The following SDR42E2 variants were observed in gnomAD, a reference collection of about 807,000 sequenced individuals.
SDR42E2 encodes short chain dehydrogenase/reductase family 42E, member 2, also known as putative short-chain dehydrogenase/reductase family 42E member 2.
SDR42E2 carries 20 observed loss-of-function variants against 10.5 expected under a neutral mutation model. The observed-to-expected ratio is 1.90, with a 90% confidence interval of 1.34 to 2.77. SDR42E2 has a LOEUF of 2.77. Among genes scored for constraint, SDR42E2 ranks in the 30% most tolerant of loss-of-function variants. The pLI, the probability that SDR42E2 is intolerant of heterozygous loss-of-function variation, is 0.00. For synonymous variants in SDR42E2, 72 were observed against 39.2 expected (o/e 1.84, Z -3.12); for missense variants, 162 against 104.2 (o/e 1.55, Z -2.42).
chr16:22,179,991 G>T (rs1316024562), intron 8 of SDR42E2, among the ~76,000 whole-genome samples: 7 of 152,088 alleles, frequency 4.6e-5, no homozygotes, highest in Admixed American at 3.9e-4. Flanking sequence ...ATACCTTCCA[G>T]ACAGTGGGAA....
rs750936951 is a variant in SDR42E2, at chr16:22,182,229, C to T, written c.828C>T (p.Tyr276=). 72 of 402,784 alleles carry T rather than the reference C, an allele frequency of 1.8e-4. No individual in the cohort carries two copies. The highest frequency in any genetic ancestry group is 1.6e-3 in the Middle Eastern group (5 of 3,222). The allele number at this position is 402,784 out of a possible 1,614,324, so 25.0% of individuals were successfully genotyped here. The stretch of plus-strand genomic sequence containing the variant: ...CCCTTCAGAGTGGGCAGGCGTACTA[C>T]ATCAACGATGGGGAGAGCGTCAACC... The part of the protein sequence containing the change: ...KGYVASGQAY[Y]INDGESVNLF... Residue 276 remains tyrosine, a synonymous_variant, in exon 10 of 13, where the codon TAC becomes TAT. Transcript: ENST00000602312.
chr16:22,178,730 G>T (rs547937763), intron 8 of SDR42E2, among the ~76,000 whole-genome samples: 5 of 152,322 alleles, frequency 3.3e-5, no homozygotes, highest in African/African-American at 9.6e-5. Flanking sequence ...ACCCAGGAGG[G>T]CTCCCTGGAG....
At chr16:22,179,631 G>A (rs561336317) in intron 8 of SDR42E2, among the ~76,000 whole-genome samples, 74 of 152,170 alleles carry the variant, frequency 4.9e-4, no homozygotes, top group African/African-American at 1.8e-3. Flanking sequence ...GGCCAGCATG[G>A]TGAAACCCTG....
At chr16:22,186,266 GTGCAATCTCAGCTCAC>G (rs1373298841) in intron 11 of SDR42E2, among the ~76,000 whole-genome samples, 1 of 151,686 alleles carries the variant, frequency 6.6e-6, no homozygotes, top group Non-Finnish European at 1.5e-5. Context: ...GAGTGCAGTG[GTGCAATCTCAGCTCAC>G]TGCAATCTCT....
chr16:22,168,797 C>T lies in SDR42E2; in HGVS notation c.337-648C>T, dbSNP rs1276527112. 5.9e-5 allele frequency among the ~76,000 whole-genome samples: 9 copies of T among 152,068 alleles called. No homozygotes were observed. In the South Asian group the frequency reaches 6.2e-4, roughly 11 times the overall value. ...CTGAGGCAGGAGAATCATTCAAACC[C>T]GGGAGGCAGAGGTTGCAGTGAGCCA... On this transcript the variant is annotated intron_variant, in intron 4 of 12. Transcript: ENST00000602312.
chr16:22,188,092 T>C (rs1341150018), intron 12 of SDR42E2, among the ~76,000 whole-genome samples: 1 of 134,462 alleles, frequency 7.4e-6, no homozygotes, highest in African/African-American at 2.9e-5. Context: ...CAAGACTCCA[T>C]CTAAAAAAAA....
At chr16:22,165,749 G>T (rs2046529422) in intron 2 of SDR42E2, 112 bp downstream of exon 2, 4 of 402,012 alleles carry the variant, frequency 9.9e-6, no homozygotes, top group Non-Finnish European at 1.3e-5. Context: ...CCAGGGCCTG[G>T]ACTGGGGCCC....
intron 11 of SDR42E2, among the ~76,000 whole-genome samples, chr16:22,186,399 G>A (rs913719173): frequency 2.6e-5 from 4 of 151,818 alleles, no homozygotes; most frequent in Admixed American, 2.0e-4. Context: ...TAGAGACAGG[G>A]TTTCACCATG....
At chr16:22,184,362 G>A (rs774669976) in intron 11 of SDR42E2, 118 bp downstream of exon 11, 23 of 381,444 alleles carry the variant, frequency 6.0e-5, no homozygotes, top group Non-Finnish European at 9.3e-5. Flanking sequence ...AGCACTTTGG[G>A]AGGCTGAGGC....
rs2046662003 is a variant in SDR42E2, at chr16:22,178,225, C to T, written c.672+13C>T. ...GCCCCGTGTGGCGGTACGTCATCCC[C>T]GCCTTCAGGACCCAAGTCAGAGAAG... is the stretch of plus-strand genomic sequence containing the variant. On this transcript the variant is annotated intron_variant, in intron 8 of 12. Transcript: ENST00000602312. 2.8e-6 allele frequency: 2 copies of T among 702,274 alleles called. No individual in the cohort carries two copies. Among genetic ancestry groups the T allele is most frequent in the African/African-American group, 1.7e-5 (1 of 57,238 alleles). The allele number at this position is 702,274 out of a possible 1,614,324, so 43.5% of individuals were successfully genotyped here. A position where few individuals can be genotyped will look rare whatever the true frequency, so the allele number is the denominator to read the frequency against.
At chr16:22,183,533 A>T (rs1402051576) in intron 10 of SDR42E2, among the ~76,000 whole-genome samples, 1 of 152,170 alleles carries the variant, frequency 6.6e-6, no homozygotes, top group Non-Finnish European at 1.5e-5. Context: ...CTCTCTGAGC[A>T]GCCCAGACTC....
At chr16:22,173,190 AT>A (rs2046615217) in intron 7 of SDR42E2, among the ~76,000 whole-genome samples, 2 of 151,710 alleles carry the variant, frequency 1.3e-5, no homozygotes, top group Non-Finnish European at 2.9e-5. Flanking sequence ...TTTGCATGCT[AT>A]TTTTTTCTTT....
At chr16:22,167,070 C>T in intron 4 of SDR42E2, 71 bp downstream of exon 4, 2 of 654,470 alleles carry the variant, frequency 3.1e-6, no homozygotes, top group Non-Finnish European at 5.7e-6. Context: ...CCCTCACACC[C>T]ATGCATTCCC....
intron 6 of SDR42E2, 59 bp downstream of exon 6, chr16:22,171,010 G>A: frequency 1.4e-6 from 1 of 700,426 alleles, no homozygotes; most frequent in Non-Finnish European, 2.6e-6. Flanking sequence ...ACAGCTCAGA[G>A]GGGAGGGATG....
chr16:22,186,565 C>T (rs1025141613), intron 11 of SDR42E2, among the ~76,000 whole-genome samples, 156 bp from the exon 12 acceptor site: 1 of 152,216 alleles, frequency 6.6e-6, no homozygotes, highest in Non-Finnish European at 1.5e-5. Context: ...AAACAAGGCA[C>T]CCCAGCAAGG....
At chr16:22,168,106 A>C (rs1285574725) in intron 4 of SDR42E2, among the ~76,000 whole-genome samples, 3 of 151,998 alleles carry the variant, frequency 2.0e-5, no homozygotes, top group Non-Finnish European at 4.4e-5. Context: ...AACAAGAATA[A>C]ATATAGAGCC....
At position 22,169,506 on chromosome 16, in the gene SDR42E2, G is replaced by A; in HGVS notation, c.394+4G>A. 4.3e-6 allele frequency: 3 copies of A among 703,512 alleles called. 1 individual carries two copies. In the South Asian group the frequency reaches 4.4e-5, roughly 10 times the overall value. The allele number at this position is 703,512 out of a possible 1,614,324, so 43.6% of individuals were successfully genotyped here. On this transcript the variant is annotated splice_donor_region_variant and intron_variant, in intron 5 of 12. Coordinates refer to ENST00000602312, the MANE Select transcript of SDR42E2 (RefSeq NM_001394319.2). ...GGCACCAAACTAGTGATTGATGGTA[G>A]GTGCTCAGAGCCGGGTATGACCTGC...
At chr16:22,168,093 CACA>C (rs1173511095) in intron 4 of SDR42E2, among the ~76,000 whole-genome samples, 1 of 151,828 alleles carries the variant, frequency 6.6e-6, no homozygotes, top group Non-Finnish European at 1.5e-5. Context: ...CAAAAACAGC[CACA>C]ACAAGAATAA....
rs1439272142 is a variant in SDR42E2 at position 22,165,532 on chromosome 16, T to A, written c.-36-15T>A. 2.5e-6 allele frequency: 1 copy of A among 397,358 alleles called. No individual in the cohort carries two copies. Among genetic ancestry groups the A allele is most frequent in the African/African-American group, 2.1e-5 (1 of 48,544 alleles). 24.6% of individuals were successfully genotyped at this position (397,358 alleles called of 1,614,324 possible). A position where few individuals can be genotyped will look rare whatever the true frequency, so the allele number is the denominator to read the frequency against. The stretch of plus-strand genomic sequence containing the variant: ...CGATTCTAGAGCATTCTTTCTTCTA[T>A]TTTTTTTCCCACAGGTGGTCGGTTT... On this transcript the variant is annotated splice_polypyrimidine_tract_variant and intron_variant, in intron 1 of 12. Transcript: ENST00000602312.
Sources: allele counts gnomAD v4.1 joint callset (sites outside exome capture counted in the v4.1 genomes callset), GRCh38; gene constraint gnomAD v4.1.1; transcripts MANE v1.5; gene names NCBI Gene and HGNC (gene_info 2026-07-23, HGNC 2026-07-21).